NOPCHAP1: variants seen among roughly 807,000 people sequenced by gnomAD.
The protein encoded by NOPCHAP1 is NOP protein chaperone 1.
In NOPCHAP1, 13 loss-of-function variants were observed where a neutral mutation model predicts 14.0. That is an observed-to-expected ratio of 0.93 (90% confidence interval 0.60 to 1.47). NOPCHAP1 has a LOEUF of 1.47. NOPCHAP1 is among the 40% of genes most tolerant of loss of function. The probability of loss-of-function intolerance (pLI) is 0.00; values close to 1 mark genes in which losing one functional copy is unlikely to be tolerated. For synonymous variants in NOPCHAP1, 78 were observed against 78.4 expected, an observed-to-expected ratio of 1.00 and a Z score of 0.03; for missense variants, 230 against 226.9, an observed-to-expected ratio of 1.01 and a Z score of -0.09.
chr12:105,006,893 G>C lies in NOPCHAP1; in HGVS notation c.*12197G>C, dbSNP rs1394344316. 2 of 151,600 alleles carry C rather than the reference G, an allele frequency of 1.3e-5. No homozygotes were observed. Among genetic ancestry groups the C allele is most frequent in the Non-Finnish European group, 2.9e-5 (2 of 67,960 alleles). The allele number at this position is 151,600 out of a possible 1,614,324, so 9.4% of individuals were successfully genotyped here. A position where few individuals can be genotyped will look rare whatever the true frequency, so the allele number is the denominator to read the frequency against. ...TCGTTTGTGGCATTTTTTTTTTCCA[G>C]ATGAGGGTACTTCTGTTTGTATTTA... On this transcript the variant is annotated 3_prime_UTR_variant, in exon 4 of 4. Coordinates refer to ENST00000552951, the MANE Select transcript of NOPCHAP1 (RefSeq NM_152318.3).
Position 105,004,363 on chromosome 12 carries a change from GT to G in NOPCHAP1, c.*9670del, listed in dbSNP as rs1389898612. On this transcript the variant is annotated 3_prime_UTR_variant, in exon 4 of 4. Coordinates refer to ENST00000552951, the MANE Select transcript of NOPCHAP1 (RefSeq NM_152318.3). ...AGGTGGGCAGATCACGAGGTCAGGA[GT>G]TTGAGACCTGCCTGGCCAACGTGAA... The G allele has an allele frequency of 6.6e-6, 1 of 152,188 alleles. No homozygotes were observed. Among genetic ancestry groups the G allele is most frequent in the Non-Finnish European group, 1.5e-5 (1 of 68,040 alleles). The allele number at this position is 152,188 out of a possible 1,614,324, so 9.4% of individuals were successfully genotyped here.
Position 105,009,772 on chromosome 12 carries a change from AT to A in NOPCHAP1, c.*15079del, listed in dbSNP as rs1873778189. ...TTTATGTGATGGATTATGTTTATTG[AT>A]TTGTGTATGTTGAACCAGCCTTGCA... On this transcript the variant is annotated 3_prime_UTR_variant, in exon 4 of 4. Coordinates refer to ENST00000552951, the MANE Select transcript of NOPCHAP1 (RefSeq NM_152318.3). 6.6e-6 allele frequency: 1 copy of A among 152,064 alleles called. No homozygotes were observed. The highest frequency in any genetic ancestry group is 1.5e-5 in the Non-Finnish European group (1 of 68,010). 9.4% of individuals were successfully genotyped at this position (152,064 alleles called of 1,614,324 possible).
At chr12:104,986,934 G>T (rs1015768268) in intron 1 of NOPCHAP1, among the ~76,000 whole-genome samples, 1 of 152,180 alleles carries the variant, frequency 6.6e-6, no homozygotes, top group African/African-American at 2.4e-5. Flanking sequence ...AGGGAGACAT[G>T]CATCCAGGAA....
rs1052170269 is a variant in NOPCHAP1, at chr12:105,006,091, TGC to T, written c.*11396_*11397del. 6.6e-6 allele frequency: 1 copy of T among 152,244 alleles called. No individual in the cohort carries two copies. The highest frequency in any genetic ancestry group is 2.4e-5 in the African/African-American group (1 of 41,464). 9.4% of individuals were successfully genotyped at this position (152,244 alleles called of 1,614,324 possible). ...TTCACTCCACCTGCCCCACCTTTTT[TGC>T]CACATTCACAATCTCTTTCATGATT... On this transcript the variant is annotated 3_prime_UTR_variant, in exon 4 of 4. Transcript: ENST00000552951.
At position 104,999,051 on chromosome 12, in the gene NOPCHAP1, G is replaced by C. The variant is rs892601460; in HGVS notation, c.*4355G>C. The C allele has an allele frequency of 2.0e-5, 3 of 153,120 alleles. No homozygotes were observed. The highest frequency in any genetic ancestry group is 4.4e-5 in the Non-Finnish European group (3 of 68,756). The allele number at this position is 153,120 out of a possible 1,614,324, so 9.5% of individuals were successfully genotyped here. ...GCAGCTGGTGGCAGTGTTGGTGTCG[G>C]AGTGGGGTACTGGTGGTCTCCGTAC... is the stretch of plus-strand genomic sequence containing the variant. On this transcript the variant is annotated 3_prime_UTR_variant, in exon 4 of 4. Transcript: ENST00000552951.
chr12:105,003,990 G>A lies in NOPCHAP1; in HGVS notation c.*9294G>A, dbSNP rs1350550116. On this transcript the variant is annotated 3_prime_UTR_variant, in exon 4 of 4. Coordinates refer to ENST00000552951, the MANE Select transcript of NOPCHAP1 (RefSeq NM_152318.3). ...TTGTTTATTACTGAGGTAGATTGCA[G>A]TTTGTTATATAGGAACTACAAGTAC... 1 of 152,212 alleles carries A rather than the reference G, an allele frequency of 6.6e-6. No individual in the cohort carries two copies. Among genetic ancestry groups the A allele is most frequent in the Admixed American group, 6.5e-5 (1 of 15,280 alleles). The allele number at this position is 152,212 out of a possible 1,614,324, so 9.4% of individuals were successfully genotyped here.
intron 3 of NOPCHAP1, among the ~76,000 whole-genome samples, 195 bp from the exon 4 acceptor site, chr12:104,994,283 G>C (rs1273201495): frequency 6.6e-6 from 1 of 152,178 alleles, no homozygotes; most frequent in Admixed American, 6.5e-5. Context: ...GGAGGCGGAG[G>C]GGGCAGTGAG....
At position 105,009,039 on chromosome 12, in the gene NOPCHAP1, T is replaced by TGGG. The variant is rs1020343135; in HGVS notation, c.*14345_*14347dup. ...GTGAAGAAAGTCAATGGTAGCTTGA[T>TGGG]GGGGATAGCATTGAATCTATAAATT... On this transcript the variant is annotated 3_prime_UTR_variant, in exon 4 of 4. Transcript: ENST00000552951. 6.6e-5 allele frequency: 10 copies of TGGG among 152,228 alleles called. No homozygotes were observed. Among genetic ancestry groups the TGGG allele is most frequent in the African/African-American group, 2.4e-4 (10 of 41,462 alleles). The allele number at this position is 152,228 out of a possible 1,614,324, so 9.4% of individuals were successfully genotyped here. A position where few individuals can be genotyped will look rare whatever the true frequency, so the allele number is the denominator to read the frequency against.
In NOPCHAP1 at chr12:104,998,892, C is replaced by T; in HGVS notation, c.*4196C>T. 1 of 152,714 alleles carries T rather than the reference C, an allele frequency of 6.5e-6. No individual in the cohort carries two copies. Among genetic ancestry groups the T allele is most frequent in the East Asian group, 1.9e-4 (1 of 5,208 alleles). The allele number at this position is 152,714 out of a possible 1,614,324, so 9.5% of individuals were successfully genotyped here. ...CTGCTGGTCTCCATGCATAGTTTCA[C>T]ACCACTGGCAGTGTTGACACAGGGG... is the stretch of plus-strand genomic sequence containing the variant. On this transcript the variant is annotated 3_prime_UTR_variant, in exon 4 of 4. Coordinates refer to ENST00000552951, the MANE Select transcript of NOPCHAP1 (RefSeq NM_152318.3).
chr12:104,988,357 G>A (rs1476649350), intron 2 of NOPCHAP1, 104 bp downstream of exon 2: 25 of 806,474 alleles, frequency 3.1e-5, no homozygotes, highest in Non-Finnish European at 4.8e-5. Flanking sequence ...ACCACAGATA[G>A]TCCAGTGGAA....
rs544350958 is a variant in NOPCHAP1 at position 105,010,875 on chromosome 12, C to G, written c.*16179C>G. 30 of 152,088 alleles carry G rather than the reference C, an allele frequency of 2.0e-4. No homozygotes were observed. Among genetic ancestry groups the G allele is most frequent in the Non-Finnish European group, 4.1e-4 (28 of 68,008 alleles). The allele number at this position is 152,088 out of a possible 1,614,324, so 9.4% of individuals were successfully genotyped here. ...ATGATTTCCGTTCTTTTGCATTTAG[C>G]TGAGGAGTGTTTTACTTCAATTATG... is the stretch of plus-strand genomic sequence containing the variant. On this transcript the variant is annotated 3_prime_UTR_variant, in exon 4 of 4. Transcript: ENST00000552951.
At chr12:104,990,868 TG>T (rs1413604377) in intron 2 of NOPCHAP1, among the ~76,000 whole-genome samples, 1 of 152,180 alleles carries the variant, frequency 6.6e-6, no homozygotes, top group Non-Finnish European at 1.5e-5. Flanking sequence ...CTCTTTTTAT[TG>T]GGGGAAAAAT....
At position 105,017,140 on chromosome 12, in the gene NOPCHAP1, T is replaced by G. The variant is rs539053343; in HGVS notation, c.*22444T>G. 6.6e-6 allele frequency: 1 copy of G among 152,332 alleles called. No homozygotes were observed. Among genetic ancestry groups the G allele is most frequent in the South Asian group, 2.1e-4 (1 of 4,834 alleles). 9.4% of individuals were successfully genotyped at this position (152,332 alleles called of 1,614,324 possible). On this transcript the variant is annotated 3_prime_UTR_variant, in exon 4 of 4. Coordinates refer to ENST00000552951, the MANE Select transcript of NOPCHAP1 (RefSeq NM_152318.3). ...TTAATTGCGCATCAAATATGGTACT[T>G]ATTTTTAAAAACTGCCTAGCAGGAT...
rs773162619 is a variant in NOPCHAP1, at chr12:105,010,590, C to T, written c.*15894C>T. The T allele has an allele frequency of 6.6e-6, 1 of 152,148 alleles. No individual in the cohort carries two copies. The highest frequency in any genetic ancestry group is 1.5e-5 in the Non-Finnish European group (1 of 68,028). 9.4% of individuals were successfully genotyped at this position (152,148 alleles called of 1,614,324 possible). A position where few individuals can be genotyped will look rare whatever the true frequency, so the allele number is the denominator to read the frequency against. ...GTTAGAGTATCGATTTTAGATCTTT[C>T]CCGCTTTCTCCTGTGGGCATTTAGT... On this transcript the variant is annotated 3_prime_UTR_variant, in exon 4 of 4. Coordinates refer to ENST00000552951, the MANE Select transcript of NOPCHAP1 (RefSeq NM_152318.3).
At chr12:104,993,342 G>A (rs1489474658) in intron 3 of NOPCHAP1, among the ~76,000 whole-genome samples, 1 of 152,092 alleles carries the variant, frequency 6.6e-6, no homozygotes, top group Admixed American at 6.5e-5. Context: ...ACATGAATAA[G>A]CAAGGGGAAA....
In NOPCHAP1 at chr12:104,994,588, C is replaced by G. The variant is rs2082299395; in HGVS notation, c.450C>G (p.Asp150Glu). 3 of 1,612,932 alleles carry G rather than the reference C, an allele frequency of 1.9e-6. No homozygotes were observed. The change falls in exon 4 of 4, where the codon GAC becomes GAG. Residue 150 changes from aspartate (D) to glutamate (E), a missense_variant. Coordinates refer to ENST00000552951, the MANE Select transcript of NOPCHAP1 (RefSeq NM_152318.3). ...ENSSESEDEDDSIPSEVTIDN... is the reference protein window; with the variant it reads ...ENSSESEDEDESIPSEVTIDN... ...GTTCAGAATCAGAAGACGAAGATGA[C>G]AGCATCCCATCTGAAGTCACCATAG...
rs1873873133 is a variant in NOPCHAP1 at position 105,013,329 on chromosome 12, C to A, written c.*18633C>A. 6.6e-6 allele frequency: 1 copy of A among 152,260 alleles called. No homozygotes were observed. The highest frequency in any genetic ancestry group is 6.5e-5 in the Admixed American group (1 of 15,276). The allele number at this position is 152,260 out of a possible 1,614,324, so 9.4% of individuals were successfully genotyped here. On this transcript the variant is annotated 3_prime_UTR_variant, in exon 4 of 4. Transcript: ENST00000552951. ...CTCAGTCGTGGTGGACACCCCTTTT[C>A]CCACCAAGCTCAAGTGTCCCACGTT... is the stretch of plus-strand genomic sequence containing the variant.
rs1174026142 is a variant in NOPCHAP1, at chr12:105,007,847, TATGGCTACATAGTATTC to T, written c.*13152_*13168del. 6.6e-6 allele frequency: 1 copy of T among 152,270 alleles called. No individual in the cohort carries two copies. Among genetic ancestry groups the T allele is most frequent in the African/African-American group, 2.4e-5 (1 of 41,470 alleles). The allele number at this position is 152,270 out of a possible 1,614,324, so 9.4% of individuals were successfully genotyped here. A position where few individuals can be genotyped will look rare whatever the true frequency, so the allele number is the denominator to read the frequency against. On this transcript the variant is annotated 3_prime_UTR_variant, in exon 4 of 4. Coordinates refer to ENST00000552951, the MANE Select transcript of NOPCHAP1 (RefSeq NM_152318.3). ...CAAAGGACATGAACTCATCCTTTTT[TATGGCTACATAGTATTC>T]CATGGTGTACATATGCCACATTTTC...
In NOPCHAP1 at chr12:105,007,691, G is replaced by A. The variant is rs536172663; in HGVS notation, c.*12995G>A. ...CCCCCAACAGGCCCCAGTGTGTGAT[G>A]TTCCCCTCCCTGTGTCCATGTGTTC... On this transcript the variant is annotated 3_prime_UTR_variant, in exon 4 of 4. Coordinates refer to ENST00000552951, the MANE Select transcript of NOPCHAP1 (RefSeq NM_152318.3). 9.5e-5 allele frequency: 14 copies of A among 147,346 alleles called. No individual in the cohort carries two copies. The highest frequency in any genetic ancestry group is 1.6e-4 in the Non-Finnish European group (11 of 66,988). 9.1% of individuals were successfully genotyped at this position (147,346 alleles called of 1,614,324 possible). A position where few individuals can be genotyped will look rare whatever the true frequency, so the allele number is the denominator to read the frequency against.
Sources: gnomAD v4.1 joint callset for allele counts (sites outside exome capture counted in the v4.1 genomes callset) on GRCh38, gnomAD v4.1.1 for gene constraint, MANE v1.5 for transcripts, NCBI Gene and HGNC (gene_info 2026-07-23, HGNC 2026-07-21) for gene names.